The following MEIS1 variants were observed in gnomAD, a reference collection of about 807,000 sequenced individuals.
MEIS1 encodes homeobox protein Meis1.
In MEIS1, 5 loss-of-function variants were observed where a neutral mutation model predicts 50.8. That is an observed-to-expected ratio of 0.10 (90% CI 0.05 to 0.21). MEIS1 has a LOEUF of 0.21. Among genes scored for constraint, MEIS1 ranks in the 10% least tolerant of loss-of-function variants. The pLI is 1.00. For synonymous variants in MEIS1, 176 were observed against 179.3 expected (o/e 0.98, Z 0.15); for missense variants, 318 against 517.3 (o/e 0.61, Z 3.74).
intron 7 of MEIS1, among the ~76,000 whole-genome samples, chr2:66,487,384 A>G (rs1350398270): frequency 6.6e-6 from 1 of 152,208 alleles, no homozygotes; most frequent in African/African-American, 2.4e-5. Flanking sequence ...ATATATGTAT[A>G]TATTACCATG....
intron 7 of MEIS1, among the ~76,000 whole-genome samples, chr2:66,498,646 T>C (rs1673469831): frequency 6.6e-6 from 1 of 152,166 alleles, no homozygotes; most frequent in Non-Finnish European, 1.5e-5. Context: ...CCCATTCTTG[T>C]CCAGTGGGCG....
At chr2:66,485,813 C>G (rs1311221824) in intron 7 of MEIS1, among the ~76,000 whole-genome samples, 1 of 152,190 alleles carries the variant, frequency 6.6e-6, no homozygotes, top group Non-Finnish European at 1.5e-5. Context: ...GAGGTGGTAT[C>G]TCACTGTGGT....
At chr2:66,481,277 A>G (rs1386334542) in intron 7 of MEIS1, among the ~76,000 whole-genome samples, 1 of 152,202 alleles carries the variant, frequency 6.6e-6, no homozygotes, top group South Asian at 2.1e-4. Flanking sequence ...GGTGCTAGGA[A>G]AGACTTCTGT....
chr2:66,484,710 C>A (rs151145156), intron 7 of MEIS1, among the ~76,000 whole-genome samples: 3,583 of 151,404 alleles, frequency 0.024, 148 homozygotes, highest in African/African-American at 0.082. Flanking sequence ...AGGAATGCAC[C>A]ACCACACCTG....
intron 6 of MEIS1, among the ~76,000 whole-genome samples, chr2:66,446,191 G>A (rs1008833585): frequency 6.6e-6 from 1 of 152,198 alleles, no homozygotes; most frequent in Non-Finnish European, 1.5e-5. Context: ...ATGCGGGTTC[G>A]ACCGGAAGCG....
intron 8 of MEIS1, among the ~76,000 whole-genome samples, chr2:66,527,098 A>G (rs1436737595): frequency 6.6e-6 from 1 of 152,236 alleles, no homozygotes; most frequent in Non-Finnish European, 1.5e-5. Flanking sequence ...GAAATAGCAT[A>G]CGTTTGAATT....
intron 9 of MEIS1, among the ~76,000 whole-genome samples, 160 bp downstream of exon 9, chr2:66,548,179 A>C (rs1278376903): frequency 6.6e-6 from 1 of 152,214 alleles, no homozygotes. Context: ...ATGTGAGAAC[A>C]TTTGCTAGTA....
At chr2:66,442,657 G>T in intron 5 of MEIS1, 1 of 413,868 alleles carries the variant, frequency 2.4e-6, no homozygotes, top group Non-Finnish European at 4.2e-6. Flanking sequence ...AATTTAACAC[G>T]GGTGTTGAAT....
rs377564227 is a variant in MEIS1, at chr2:66,495,228, C to G, written c.743-16921C>G. On this transcript the variant is annotated intron_variant, in intron 7 of 12. Transcript: ENST00000272369. ...ATTTCATACTTTTAAAGTTTTTAGG[C>G]TTTTCTGCTGGAGATCATCTTCCTC... 4.2e-4 allele frequency among the ~76,000 whole-genome samples: 64 copies of G among 151,406 alleles called. No individual in the cohort carries two copies. In the South Asian group the frequency reaches 0.013, roughly 31 times the overall value.
intron 9 of MEIS1, among the ~76,000 whole-genome samples, chr2:66,554,262 A>T (rs1279586238): frequency 6.6e-6 from 1 of 152,216 alleles, no homozygotes; most frequent in African/African-American, 2.4e-5. Flanking sequence ...TGAACATGGT[A>T]TGCAGGTCAG....
At chr2:66,472,681 T>G (rs1672790656) in intron 7 of MEIS1, among the ~76,000 whole-genome samples, 1 of 152,170 alleles carries the variant, frequency 6.6e-6, no homozygotes, top group Non-Finnish European at 1.5e-5. Context: ...TGGTGGGTAT[T>G]AGGTTCAAAT....
rs781330399 is a variant in MEIS1 at position 66,437,896 on chromosome 2, G to A, written c.172G>A (p.Ala58Thr). ...HQYPHTAHTNAMAPSMGSSVN... is the reference protein window; with the variant it reads ...HQYPHTAHTNTMAPSMGSSVN... ...GTACCCGCACACAGCTCATACCAAC[G>A]CCATGGCCCCCAGCATGGGCTCCTC... Residue 58 changes from alanine to threonine, a missense_variant, in exon 2 of 13, where the codon GCC (alanine) becomes ACC (threonine). Ala to Thr is a moderately conservative substitution (Grantham distance 58). Transcript: ENST00000272369. The A allele has an allele frequency of 1.2e-6, 2 of 1,609,704 alleles. No homozygotes were observed. The highest frequency in any genetic ancestry group is 2.2e-5 in the South Asian group (2 of 90,118).
chr2:66,507,673 G>C (rs1050105046), intron 7 of MEIS1, among the ~76,000 whole-genome samples: 2 of 151,940 alleles, frequency 1.3e-5, no homozygotes, highest in African/African-American at 4.8e-5. Context: ...AGTAGGGAGA[G>C]AAAAAAAATG....
intron 8 of MEIS1, among the ~76,000 whole-genome samples, chr2:66,518,578 C>T (rs1674029655): frequency 1.3e-5 from 2 of 152,142 alleles, no homozygotes; most frequent in African/African-American, 4.8e-5. Flanking sequence ...AAGTGTGTAT[C>T]AATATCATGT....
chr2:66,520,080 T>C (rs1674074813), intron 8 of MEIS1, among the ~76,000 whole-genome samples: 4 of 152,102 alleles, frequency 2.6e-5, no homozygotes, highest in Admixed American at 2.6e-4. Context: ...CCAGCAGGTA[T>C]AGTTTTTTTT....
intron 8 of MEIS1, among the ~76,000 whole-genome samples, chr2:66,536,382 T>A (rs1441905951): frequency 6.6e-6 from 1 of 152,220 alleles, no homozygotes; most frequent in Non-Finnish European, 1.5e-5. Flanking sequence ...CAGGAAACTG[T>A]TAGCTAAAAA....
chr2:66,488,627 G>A (rs1159681699), intron 7 of MEIS1, among the ~76,000 whole-genome samples: 1 of 152,150 alleles, frequency 6.6e-6, no homozygotes, highest in Non-Finnish European at 1.5e-5. Context: ...GCAGTGAGCC[G>A]AGATCGCGCC....
chr2:66,540,841 A>G lies in MEIS1; in HGVS notation c.889-7102A>G, dbSNP rs938356799. Among the ~76,000 whole-genome samples the G allele has an allele frequency of 2.6e-5, 4 of 152,120 alleles. 1 individual carries two copies. The highest frequency in any genetic ancestry group is 5.9e-5 in the Non-Finnish European group (4 of 68,006). ...GTGTAGCTAATGAAGAATATATCTA[A>G]AACATTGTTATTTTATAAATTTGTA... On this transcript the variant is annotated intron_variant, in intron 8 of 12. Coordinates refer to ENST00000272369, the MANE Select transcript of MEIS1 (RefSeq NM_002398.3).
intron 7 of MEIS1, among the ~76,000 whole-genome samples, chr2:66,507,289 C>G (rs896865103): frequency 1.3e-5 from 2 of 152,054 alleles, no homozygotes; most frequent in Non-Finnish European, 2.9e-5. Context: ...TTCCTAAACA[C>G]TGGAAGAGGA....
Sources: allele counts gnomAD v4.1 joint callset (sites outside exome capture counted in the v4.1 genomes callset), GRCh38; gene constraint gnomAD v4.1.1; transcripts MANE v1.5; gene names NCBI Gene and HGNC (gene_info 2026-07-23, HGNC 2026-07-21).